The following UTP20 variants were observed in gnomAD, a reference collection of about 807,000 sequenced individuals.
UTP20 encodes UTP20 small subunit processome component.
A neutral mutation model predicts 329.5 loss-of-function variants in UTP20; 164 were observed. The observed-to-expected ratio is 0.50, with a 90% CI of 0.44 to 0.57. UTP20 has a LOEUF of 0.57. Among genes scored for constraint, UTP20 ranks in the 20% least tolerant of loss-of-function variants. UTP20 has a pLI of 0.00. For missense variants in UTP20, 3,055 were observed against 3,284.2 expected (o/e 0.93, Z 1.71); for synonymous variants, 1,151 against 1,159.3 (o/e 0.99, Z 0.14).
chr12:101,369,981 A>T, intron 49 of UTP20, 90 bp downstream of exon 49: 1 of 1,290,836 alleles, frequency 7.7e-7, no homozygotes, highest in South Asian at 1.4e-5. Flanking sequence ...TGGGAGGCTG[A>T]GGTGGGAGGA....
chr12:101,325,667 A>AT (rs1267644138), intron 25 of UTP20, among the ~76,000 whole-genome samples: 3 of 152,254 alleles, frequency 2.0e-5, no homozygotes, highest in African/African-American at 4.8e-5. Context: ...CCGTGTGAGT[A>AT]TTTGATGTAC....
chr12:101,332,935 TA>T, intron 27 of UTP20, among the ~76,000 whole-genome samples: 1 of 152,234 alleles, frequency 6.6e-6, no homozygotes, highest in East Asian at 1.9e-4. Flanking sequence ...AAAAAAATTT[TA>T]AAAAAAAGTT....
intron 44 of UTP20, 26 bp downstream of exon 44, chr12:101,362,086 AT>A (rs763089550): frequency 3.4e-4 from 527 of 1,540,810 alleles, no homozygotes; most frequent in Middle Eastern, 6.8e-4. Context: ...ACGAATTCTA[AT>A]TTTTTTTTAA....
intron 25 of UTP20, 139 bp from the exon 26 acceptor site, chr12:101,326,942 A>G: frequency 1.1e-6 from 1 of 898,050 alleles, no homozygotes; most frequent in Non-Finnish European, 1.6e-6. Flanking sequence ...TAAATATCTA[A>G]TTTCTATTTT....
intron 58 of UTP20, 131 bp downstream of exon 58, chr12:101,381,342 GGC>G: frequency 2.8e-6 from 2 of 714,198 alleles, no homozygotes; most frequent in East Asian, 5.3e-5. Context: ...AGATGAGCCT[GGC>G]CAACATGGCG....
chr12:101,374,492 G>T (rs905557103), intron 54 of UTP20, among the ~76,000 whole-genome samples: 2 of 152,068 alleles, frequency 1.3e-5, no homozygotes, highest in African/African-American at 4.8e-5. Flanking sequence ...TGAGTAACTT[G>T]TTGCATACCC....
chr12:101,332,149 C>A (rs987886271), intron 27 of UTP20, among the ~76,000 whole-genome samples: 1 of 152,028 alleles, frequency 6.6e-6, no homozygotes, highest in African/African-American at 2.4e-5. Flanking sequence ...ACCAGCCTGA[C>A]CAACATGGAG....
intron 10 of UTP20, among the ~76,000 whole-genome samples, chr12:101,292,676 A>G (rs1872202721): frequency 6.6e-6 from 1 of 152,206 alleles, no homozygotes; most frequent in African/African-American, 2.4e-5. Context: ...GTGTTCATAA[A>G]TGTTTGCAGT....
At chr12:101,313,142 A>G (rs1202514900) in intron 21 of UTP20, among the ~76,000 whole-genome samples, 1 of 152,210 alleles carries the variant, frequency 6.6e-6, no homozygotes, top group African/African-American at 2.4e-5. Flanking sequence ...TGATTGTATT[A>G]AAACTAAAGA....
chr12:101,354,801 T>G (rs778425073), intron 40 of UTP20, 31 bp from the exon 41 acceptor site: 1 of 1,595,394 alleles, frequency 6.3e-7, no homozygotes, highest in Admixed American at 1.7e-5. Context: ...TTATTTGCTT[T>G]AAGGTGACTT....
At chr12:101,303,179 A>G (rs1872566698) in intron 15 of UTP20, among the ~76,000 whole-genome samples, 1 of 152,214 alleles carries the variant, frequency 6.6e-6, no homozygotes, top group African/African-American at 2.4e-5. Flanking sequence ...TTTGTTCAGT[A>G]GGTAATCATT....
rs143573950 is a variant in UTP20 at position 101,300,012 on chromosome 12, C to G, written c.1626C>G (p.Gly542=). The G allele has an allele frequency of 7.4e-6, 12 of 1,614,000 alleles. No homozygotes were observed. In the African/African-American group the frequency reaches 1.2e-4, roughly 16 times the overall value. The part of the protein sequence containing the change: ...EKEKVIPLVT[G]FIEALFMTVD... Reference sequence around the variant, plus strand: ...AGAAGGTGATACCACTCGTCACCGGCTTCATAGAGGCACTCTTCATGACTG... The same window carrying G: ...AGAAGGTGATACCACTCGTCACCGGGTTCATAGAGGCACTCTTCATGACTG... The change falls in exon 14 of 62, where the codon GGC becomes GGG. Residue 542 remains glycine (G), a synonymous_variant. Coordinates refer to ENST00000261637, the MANE Select transcript of UTP20 (RefSeq NM_014503.3).
chr12:101,345,044 C>A (rs1341995878), intron 36 of UTP20, among the ~76,000 whole-genome samples: 2 of 138,832 alleles, frequency 1.4e-5, no homozygotes, highest in Non-Finnish European at 3.0e-5. Context: ...CTCCCGGGTT[C>A]AAGTGATTCT....
In UTP20 at chr12:101,386,073, G is replaced by A. The variant is rs535706848; in HGVS notation, c.8308G>A (p.Ala2770Thr). 4 of 1,608,580 alleles carry A rather than the reference G, an allele frequency of 2.5e-6. No homozygotes were observed. In the Admixed American group the frequency reaches 5.2e-5, roughly 21 times the overall value. The change falls in exon 62 of 62, where the codon GCC becomes ACC. Residue 2770 changes from alanine to threonine, a missense_variant. By Grantham distance (58) the Ala-to-Thr change is moderately conservative. Coordinates refer to ENST00000261637, the MANE Select transcript of UTP20 (RefSeq NM_014503.3). ...AGAGTTCCTGCGTCCAGGATATAAGGCCAAGAGACAAAAAAGCCATAGCCT... is the reference window on the plus strand; with the variant it reads ...AGAGTTCCTGCGTCCAGGATATAAGACCAAGAGACAAAAAAGCCATAGCCT... ...KIEFLRPGYKAKRQKSHSLKD... is the reference protein window; with the variant it reads ...KIEFLRPGYKTKRQKSHSLKD...
chr12:101,349,898 T>A (rs1171906123), intron 38 of UTP20, among the ~76,000 whole-genome samples: 1 of 152,020 alleles, frequency 6.6e-6, no homozygotes, highest in African/African-American at 2.4e-5. Context: ...TTTTTTTTTC[T>A]GGGTTTCATT....
At chr12:101,352,720 G>A (rs1869574576) in intron 39 of UTP20, among the ~76,000 whole-genome samples, 1 of 148,484 alleles carries the variant, frequency 6.7e-6, no homozygotes, top group Non-Finnish European at 1.5e-5. Context: ...TAGATGACGA[G>A]TTAGTGGGTG....
intron 22 of UTP20, among the ~76,000 whole-genome samples, chr12:101,318,502 T>C (rs978624069): frequency 6.6e-6 from 1 of 152,086 alleles, no homozygotes; most frequent in Non-Finnish European, 1.5e-5. Flanking sequence ...TGAAATATTT[T>C]TATAGGAGAA....
Position 101,285,656 on chromosome 12 carries a change from T to C in UTP20, c.193+20T>C, listed in dbSNP as rs768520315. On this transcript the variant is annotated intron_variant, in intron 3 of 61. Coordinates refer to ENST00000261637, the MANE Select transcript of UTP20 (RefSeq NM_014503.3). The stretch of plus-strand genomic sequence containing the variant: ...ACTTCGGTATTTTCTATTTCGTTTC[T>C]ATTTTATTCACCCATAGTTTGCACT... 2 of 1,613,798 alleles carry C rather than the reference T, an allele frequency of 1.2e-6. No homozygotes were observed. The highest frequency in any genetic ancestry group is 1.1e-5 in the South Asian group (1 of 91,066).
At chr12:101,302,137 C>A (rs994756668) in intron 14 of UTP20, among the ~76,000 whole-genome samples, 2 of 152,052 alleles carry the variant, frequency 1.3e-5, no homozygotes, top group African/African-American at 4.8e-5. Context: ...ACTGTGTGGC[C>A]CAGGCTAGTG....
Sources: allele counts gnomAD v4.1 joint callset (sites outside exome capture counted in the v4.1 genomes callset), GRCh38; gene constraint gnomAD v4.1.1; transcripts MANE v1.5; gene names NCBI Gene and HGNC (gene_info 2026-07-23, HGNC 2026-07-21).